HIF3A: variants seen among roughly 807,000 people sequenced by gnomAD.
HIF3A encodes the protein hypoxia inducible factor 3 subunit alpha.
HIF3A carries 41 observed loss-of-function variants against 67.2 expected under a neutral mutation model. That is an observed-to-expected ratio of 0.61 (90% CI 0.48 to 0.79). HIF3A has a LOEUF of 0.79. Among genes scored for constraint, HIF3A ranks in the 30% least tolerant of loss-of-function variants. The pLI, the probability that HIF3A is intolerant of heterozygous loss-of-function variation, is 0.00. For missense variants in HIF3A, 855 were observed against 898.0 expected (o/e 0.95, Z 0.61); for synonymous variants, 356 against 374.8 (o/e 0.95, Z 0.58).
chr19:46,327,489 G>A (rs550728360), intron 11 of HIF3A, among the ~76,000 whole-genome samples: 18 of 151,912 alleles, frequency 1.2e-4, no homozygotes, highest in Admixed American at 2.6e-4. Context: ...CCAATTTTTC[G>A]TATTTTTAGT....
intron 10 of HIF3A, among the ~76,000 whole-genome samples, chr19:46,323,809 G>T (rs760727047): frequency 2.0e-5 from 3 of 152,102 alleles, no homozygotes; most frequent in Non-Finnish European, 2.9e-5. Flanking sequence ...AGCGAAAGGG[G>T]TTTCCCCTTA....
chr19:46,326,717 A>G (rs562006403), intron 11 of HIF3A, among the ~76,000 whole-genome samples: 1 of 152,292 alleles, frequency 6.6e-6, no homozygotes, highest in African/African-American at 2.4e-5. Flanking sequence ...TGTCACCCAC[A>G]TACTCAATAT....
chr19:46,301,540 C>T (rs868152028), intron 1 of HIF3A, among the ~76,000 whole-genome samples: 1 of 152,106 alleles, frequency 6.6e-6, no homozygotes, highest in Non-Finnish European at 1.5e-5. Flanking sequence ...AAAATGCCCC[C>T]CTCCGCCGGG....
At chr19:46,305,756 T>G (rs1370425764) in intron 3 of HIF3A, among the ~76,000 whole-genome samples, 1 of 150,326 alleles carries the variant, frequency 6.7e-6, no homozygotes, top group African/African-American at 2.5e-5. Flanking sequence ...GGCCAAGAGG[T>G]GAGGAAAAAA....
At chr19:46,310,714 CA>C (rs1969352572) in intron 6 of HIF3A, 3 of 403,032 alleles carry the variant, frequency 7.4e-6, no homozygotes, top group Middle Eastern at 7.0e-4. Flanking sequence ...GTGCAAAGCA[CA>C]AGTATCTAAT....
At chr19:46,324,985 T>TTGTGTGTGTGTG (rs542186240) in intron 10 of HIF3A, among the ~76,000 whole-genome samples, 4,576 of 127,874 alleles carry the variant, frequency 0.036, 136 homozygotes, top group African/African-American at 0.068. Flanking sequence ...CACACATATA[T>TTGTGTGTGTGTG]TGTGTGTGTG....
chr19:46,334,379 G>A (rs1971464746), intron 13 of HIF3A, among the ~76,000 whole-genome samples: 3 of 151,808 alleles, frequency 2.0e-5, no homozygotes, highest in Non-Finnish European at 2.9e-5. Context: ...GGCGTGAGCC[G>A]CCATGCCCAG....
chr19:46,304,202 C>T, intron 2 of HIF3A, 114 bp downstream of exon 2: 1 of 904,350 alleles, frequency 1.1e-6, no homozygotes, highest in Non-Finnish European at 1.6e-6. Context: ...GCCCCGCCCC[C>T]TGGTGTCGTT....
intron 10 of HIF3A, among the ~76,000 whole-genome samples, chr19:46,323,348 C>T (rs1282435224): frequency 2.6e-5 from 4 of 152,078 alleles, no homozygotes; most frequent in Non-Finnish European, 5.9e-5. Flanking sequence ...CGCGCCCGGC[C>T]TCTGGGGACA....
At chr19:46,302,119 C>CT (rs60192701) in intron 1 of HIF3A, among the ~76,000 whole-genome samples, 1,860 of 151,360 alleles carry the variant, frequency 0.012, 56 homozygotes, top group African/African-American at 0.043. Flanking sequence ...TGTTTTTTGT[C>CT]TTTTTTTTGT....
At chr19:46,339,478 C>A in intron 14 of HIF3A, 47 bp from the exon 15 acceptor site, 1 of 1,287,242 alleles carries the variant, frequency 7.8e-7, no homozygotes, top group African/African-American at 1.5e-5. Flanking sequence ...TGTGATTTAT[C>A]TTTCGTCTTT....
At position 46,310,691 on chromosome 19, in the gene HIF3A, A is replaced by G. The variant is rs746318679; in HGVS notation, c.770+1332A>G. On this transcript the variant is annotated intron_variant, in intron 6 of 14. Transcript: ENST00000377670. ...CTTGTACAGTCGTTCTGAGCAGCTC[A>G]GTGAGTTTCCCGGTGCAAAGCACAA... The G allele has an allele frequency of 1.2e-5, 5 of 427,482 alleles. 1 individual carries two copies. The highest frequency in any genetic ancestry group is 8.4e-5 in the South Asian group (5 of 59,468). The allele number at this position is 427,482 out of a possible 1,614,324, so 26.5% of individuals were successfully genotyped here.
chr19:46,326,027 G>A (rs576738084), intron 11 of HIF3A, among the ~76,000 whole-genome samples: 3 of 152,188 alleles, frequency 2.0e-5, no homozygotes, highest in Non-Finnish European at 2.9e-5. Flanking sequence ...ATGTCACATG[G>A]TGACTGAATA....
intron 14 of HIF3A, 32 bp downstream of exon 14, chr19:46,335,018 G>T (rs2084449532): frequency 6.4e-7 from 1 of 1,564,804 alleles, no homozygotes; most frequent in Admixed American, 1.7e-5. Context: ...CAGAGCCCCA[G>T]AGCACCTTCT....
In HIF3A at chr19:46,321,953, A is replaced by G. The variant is rs756255655; in HGVS notation, c.1322A>G (p.Gln441Arg). 1.2e-6 allele frequency: 2 copies of G among 1,613,792 alleles called. No homozygotes were observed. The highest frequency in any genetic ancestry group is 1.1e-5 in the South Asian group (1 of 91,058). The change falls in exon 10 of 15, where the codon CAA becomes CGA. Residue 441 changes from glutamine to arginine, a missense_variant. By Grantham distance (43) the Gln-to-Arg change is conservative. This residue lies in a region of HIF3A where 638 missense variants were observed against 660.5 expected (regional missense o/e 0.97). Coordinates refer to ENST00000377670, the MANE Select transcript of HIF3A (RefSeq NM_152795.4). ...PSTPLATRHP[Q>R]SPLSADLPDE... The stretch of plus-strand genomic sequence containing the variant: ...ACCCCGCTGGCCACACGGCACCCCC[A>G]AAGTCCTCTTTCGGTAAGCCATCCC...
At chr19:46,303,087 G>A (rs934614513) in intron 1 of HIF3A, among the ~76,000 whole-genome samples, 2 of 152,176 alleles carry the variant, frequency 1.3e-5, no homozygotes, top group African/African-American at 2.4e-5. Flanking sequence ...CTGAGCCTCG[G>A]TGTCCTCATC....
intron 3 of HIF3A, among the ~76,000 whole-genome samples, chr19:46,306,770 G>A (rs1191709904): frequency 2.6e-5 from 4 of 152,108 alleles, no homozygotes; most frequent in Admixed American, 6.6e-5. Flanking sequence ...TGAATGTCCC[G>A]AGGTTCCAAA....
At chr19:46,310,794 A>C (rs1425795409) in intron 6 of HIF3A, 3 of 289,592 alleles carry the variant, frequency 1.0e-5, no homozygotes, top group African/African-American at 6.8e-5. Context: ...TCTGTCACCC[A>C]GGCTGGAGTG....
rs1235511035 is a variant in HIF3A at position 46,308,007 on chromosome 19, T to TAGAC, written c.364-211_364-210insCAGA. On this transcript the variant is annotated intron_variant, in intron 3 of 14. Transcript: ENST00000377670. Reference sequence around the variant, plus strand: ...ACAGACAGACAGACAGACAGATAGATAGATAGATAGATGAGGGCCTGGCAC... The same window carrying TAGAC: ...ACAGACAGACAGACAGACAGATAGATAGACAGATAGATAGATGAGGGCCTGGCAC... 6.4e-3 allele frequency among the ~76,000 whole-genome samples: 272 copies of TAGAC among 42,760 alleles called. 1 individual carries two copies. Among genetic ancestry groups the TAGAC allele is most frequent in the African/African-American group, 0.014 (264 of 18,330 alleles). 28.1% of individuals were successfully genotyped at this position (42,760 alleles called of 152,430 possible). A position where few individuals can be genotyped will look rare whatever the true frequency, so the allele number is the denominator to read the frequency against.
Sources: allele counts gnomAD v4.1 joint callset (sites outside exome capture counted in the v4.1 genomes callset), GRCh38; gene constraint gnomAD v4.1.1; regional missense constraint gnomAD v4.1.1; transcripts MANE v1.5; gene names NCBI Gene and HGNC (gene_info 2026-07-23, HGNC 2026-07-21).